Variants in TSPAN9 observed in about 807,000 individuals in gnomAD.
TSPAN9 encodes the protein tetraspanin-9.
TSPAN9 carries 16 observed loss-of-function variants against 31.0 expected under a neutral mutation model. The ratio of observed to expected loss-of-function variants is 0.52; its 90% CI spans 0.35 to 0.78. TSPAN9 has a LOEUF of 0.78. Among genes scored for constraint, TSPAN9 ranks in the 30% least tolerant of loss-of-function variants. The probability of loss-of-function intolerance (pLI) is 0.01; values close to 1 mark genes in which losing one functional copy is unlikely to be tolerated. For synonymous variants in TSPAN9, 145 were observed against 121.6 expected (o/e 1.19, Z -1.27); for missense variants, 272 against 312.5 (o/e 0.87, Z 0.98).
chr12:3,225,374 C>T (rs564034923), intron 3 of TSPAN9, among the ~76,000 whole-genome samples: 266 of 152,244 alleles, frequency 1.7e-3, no homozygotes, highest in African/African-American at 6.2e-3. Context: ...CTGTCCTGTG[C>T]GGTGGCGGTC....
rs933994156 is a variant in TSPAN9, at chr12:3,283,847, C to A, written c.*731C>A. 1 of 152,732 alleles carries A rather than the reference C, an allele frequency of 6.5e-6. No individual in the cohort carries two copies. Among genetic ancestry groups the A allele is most frequent in the Middle Eastern group, 3.4e-3 (1 of 294 alleles). The allele number at this position is 152,732 out of a possible 1,614,324, so 9.5% of individuals were successfully genotyped here. A position where few individuals can be genotyped will look rare whatever the true frequency, so the allele number is the denominator to read the frequency against. The stretch of plus-strand genomic sequence containing the variant: ...GGCTCTCGGATGGGGCGCGCCTGCG[C>A]CCTCAGAACGTGTGGGAAGGAGGGG... On this transcript the variant is annotated 3_prime_UTR_variant, in exon 9 of 9. Transcript: ENST00000011898.
At chr12:3,202,642 G>T (rs1246366741) in intron 3 of TSPAN9, among the ~76,000 whole-genome samples, 1 of 152,094 alleles carries the variant, frequency 6.6e-6, no homozygotes, top group Admixed American at 6.5e-5. Context: ...ATGCCATCTG[G>T]GGTGGGGGCA....
intron 1 of TSPAN9, 143 bp from the exon 2 acceptor site, chr12:3,083,510 G>C (rs895215222): frequency 6.6e-6 from 1 of 152,254 alleles, no homozygotes; most frequent in African/African-American, 2.4e-5. Flanking sequence ...CTTCCTGTTT[G>C]CCATTTCTGG....
At chr12:3,204,382 C>T (rs2098373783) in intron 3 of TSPAN9, among the ~76,000 whole-genome samples, 1 of 152,136 alleles carries the variant, frequency 6.6e-6, no homozygotes, top group African/African-American at 2.4e-5. Flanking sequence ...GGCGGAGCTT[C>T]TAGGGTACTA....
chr12:3,202,627 G>T (rs2098372607), intron 3 of TSPAN9, among the ~76,000 whole-genome samples: 1 of 152,108 alleles, frequency 6.6e-6, no homozygotes. Context: ...CACGTCACTA[G>T]TTACATGCCA....
intron 2 of TSPAN9, among the ~76,000 whole-genome samples, chr12:3,102,805 A>G (rs145235662): frequency 1.3e-5 from 2 of 152,278 alleles, no homozygotes; most frequent in African/African-American, 2.4e-5. Flanking sequence ...AACATGTTGC[A>G]TATTTCAAAA....
chr12:3,215,703 TG>T (rs1565617316), intron 3 of TSPAN9, among the ~76,000 whole-genome samples: 1 of 152,158 alleles, frequency 6.6e-6, no homozygotes, highest in African/African-American at 2.4e-5. Context: ...GTGGGCTGTC[TG>T]GGAAGTGTGG....
intron 2 of TSPAN9, among the ~76,000 whole-genome samples, chr12:3,149,562 A>G (rs2098338872): frequency 6.6e-6 from 1 of 152,222 alleles, no homozygotes. Flanking sequence ...GTCTCAGTCC[A>G]ACAGACAACA....
chr12:3,115,522 A>G (rs1004773744), intron 2 of TSPAN9, among the ~76,000 whole-genome samples: 8 of 152,214 alleles, frequency 5.3e-5, no homozygotes, highest in African/African-American at 1.9e-4. Context: ...TGGCTTATAA[A>G]CAATAGGCAT....
rs1862870522 is a variant in TSPAN9, at chr12:3,280,350, C to T, written c.331-32C>T. 6.2e-7 allele frequency: 1 copy of T among 1,601,694 alleles called. No homozygotes were observed. Among genetic ancestry groups the T allele is most frequent in the South Asian group, 1.1e-5 (1 of 90,890 alleles). ...GGAGAGACGAGCTGCGTCCTGGTTC[C>T]AACCGTCTCACTGTGTCCCTCCGCC... On this transcript the variant is annotated intron_variant, in intron 5 of 8. Transcript: ENST00000011898. The surrounding 1 kb of genome is among the most constrained non-coding windows in gnomAD (Gnocchi z 4.5).
chr12:3,270,872 C>T (rs1862665186), intron 3 of TSPAN9, among the ~76,000 whole-genome samples: 1 of 152,174 alleles, frequency 6.6e-6, no homozygotes, highest in African/African-American at 2.4e-5. Context: ...GGGTTTTGGT[C>T]AATTGGGGAA....
At chr12:3,082,655 G>A (rs1475146076) in intron 1 of TSPAN9, among the ~76,000 whole-genome samples, 2 of 152,142 alleles carry the variant, frequency 1.3e-5, no homozygotes, top group Admixed American at 6.5e-5. Flanking sequence ...TGGTGAGGAG[G>A]CAATGAACCT....
chr12:3,198,401 CCAGCACAGGTCA>C (rs1401740517), intron 2 of TSPAN9, among the ~76,000 whole-genome samples: 2 of 103,786 alleles, frequency 1.9e-5, no homozygotes, highest in African/African-American at 3.7e-5. Context: ...CAGGTCACCA[CCAGCACAGGTCA>C]CACCAGCACA....
At chr12:3,235,134 GCT>G (rs2098392717) in intron 3 of TSPAN9, among the ~76,000 whole-genome samples, 1 of 114,134 alleles carries the variant, frequency 8.8e-6, no homozygotes, top group South Asian at 2.9e-4. Context: ...AGTGAGCAGA[GCT>G]TGCGCCACTG....
At position 3,229,927 on chromosome 12, in the gene TSPAN9, C is replaced by T. The variant is rs183192700; in HGVS notation, c.63+28671C>T. 2.9e-3 allele frequency among the ~76,000 whole-genome samples: 443 copies of T among 152,342 alleles called. 2 individuals are homozygous for T. Among genetic ancestry groups the T allele is most frequent in the Non-Finnish European group, 4.1e-3 (276 of 68,030 alleles). ...GAAGCCAGAGTCCGACCTGGCTCCC[C>T]TGGGCTGGATACATTTGCCTCTTAA... On this transcript the variant is annotated intron_variant, in intron 3 of 8. Coordinates refer to ENST00000011898, the MANE Select transcript of TSPAN9 (RefSeq NM_006675.5).
At chr12:3,156,406 G>C (rs1444175157) in intron 2 of TSPAN9, among the ~76,000 whole-genome samples, 1 of 152,190 alleles carries the variant, frequency 6.6e-6, no homozygotes, top group Non-Finnish European at 1.5e-5. Context: ...CAGGAGATAG[G>C]GTGCTGATAG....
intron 2 of TSPAN9, among the ~76,000 whole-genome samples, chr12:3,113,612 G>T (rs1247407166): frequency 3.3e-5 from 5 of 152,170 alleles, no homozygotes; most frequent in African/African-American, 9.7e-5. Flanking sequence ...CTGGTGTGGG[G>T]TTGTACTAGG....
chr12:3,100,523 G>T (rs1369836660), intron 2 of TSPAN9, among the ~76,000 whole-genome samples: 1 of 152,210 alleles, frequency 6.6e-6, no homozygotes, highest in Non-Finnish European at 1.5e-5. Context: ...GTCAGGGATT[G>T]CAGTCCTGTG....
chr12:3,110,548 T>C (rs181418866), intron 2 of TSPAN9, among the ~76,000 whole-genome samples: 20 of 152,334 alleles, frequency 1.3e-4, no homozygotes, highest in Middle Eastern at 3.4e-3. Context: ...TGGGTGTTTT[T>C]TTTCAGCCTT....
Sources: gnomAD v4.1 joint callset for allele counts (sites outside exome capture counted in the v4.1 genomes callset) on GRCh38, gnomAD v4.1.1 for gene constraint, Gnocchi (gnomAD v3.1) non-coding constraint, MANE v1.5 for transcripts, NCBI Gene and HGNC (gene_info 2026-07-23, HGNC 2026-07-21) for gene names.